The following CPVL variants were observed in gnomAD, a reference collection of about 807,000 sequenced individuals.
The protein encoded by CPVL is carboxypeptidase vitellogenic like.
In CPVL, 51 loss-of-function variants were observed where a neutral mutation model predicts 63.7. The observed-to-expected ratio is 0.80, with a 90% CI of 0.64 to 1.01. The LOEUF is 1.01. CPVL is among the 50% of genes least tolerant of loss of function. The probability of loss-of-function intolerance (pLI) is 0.00; values close to 1 mark genes in which losing one functional copy is unlikely to be tolerated. For missense variants in CPVL, 530 were observed against 573.1 expected (o/e 0.92, Z 0.77); for synonymous variants, 195 against 206.0 (o/e 0.95, Z 0.46).
At chr7:29,187,517 A>C (rs941833333) in intron 1 of CPVL, among the ~76,000 whole-genome samples, 3 of 152,106 alleles carry the variant, frequency 2.0e-5, no homozygotes, top group African/African-American at 7.2e-5. Flanking sequence ...TGAGGTCAGG[A>C]GTTTGAGACC....
intron 6 of CPVL, 98 bp from the exon 7 acceptor site, chr7:29,086,648 T>A: frequency 1.1e-6 from 1 of 881,300 alleles, no homozygotes; most frequent in South Asian, 1.4e-5. Context: ...GGCAATAGGT[T>A]TCACACTTGA....
At chr7:29,171,506 C>A (rs753979179) in intron 5 of CPVL, among the ~76,000 whole-genome samples, 15 of 152,140 alleles carry the variant, frequency 9.9e-5, no homozygotes, top group Non-Finnish European at 2.2e-4. Context: ...ACCCAGAATC[C>A]TCCTCAATTC....
intron 11 of CPVL, among the ~76,000 whole-genome samples, chr7:29,063,747 T>A (rs1482528991): frequency 6.6e-6 from 1 of 151,934 alleles, no homozygotes; most frequent in Admixed American, 6.6e-5. Context: ...GTTTTTGTAT[T>A]TTTTAGTAGA....
chr7:28,995,987 A>G, intron 12 of CPVL, 105 bp from the exon 13 acceptor site: 2 of 665,190 alleles, frequency 3.0e-6, no homozygotes, highest in East Asian at 3.0e-5. Flanking sequence ...CACATGAAAT[A>G]CAGAACATAT....
At chr7:29,052,716 T>C (rs1468664531) in intron 11 of CPVL, among the ~76,000 whole-genome samples, 3 of 152,164 alleles carry the variant, frequency 2.0e-5, no homozygotes, top group African/African-American at 7.2e-5. Context: ...CAGACCATCC[T>C]GGCTCACACG....
chr7:29,101,979 A>G (rs897972801), intron 3 of CPVL, among the ~76,000 whole-genome samples: 1 of 152,244 alleles, frequency 6.6e-6, no homozygotes, highest in Non-Finnish European at 1.5e-5. Flanking sequence ...CTACGAATTT[A>G]CCACAATGTA....
At chr7:29,068,978 C>T (rs946818202) in intron 9 of CPVL, among the ~76,000 whole-genome samples, 1 of 151,534 alleles carries the variant, frequency 6.6e-6, no homozygotes, top group Non-Finnish European at 1.5e-5. Context: ...CCACTGCGCC[C>T]GGCCGAGGTG....
At chr7:29,071,024 A>T (rs1783678705) in intron 9 of CPVL, among the ~76,000 whole-genome samples, 1 of 152,236 alleles carries the variant, frequency 6.6e-6, no homozygotes, top group South Asian at 2.1e-4. Context: ...TACCATGTCA[A>T]ACATGATGGC....
chr7:29,159,853 T>C (rs1031491757), intron 5 of CPVL, among the ~76,000 whole-genome samples: 1 of 152,174 alleles, frequency 6.6e-6, no homozygotes, highest in Non-Finnish European at 1.5e-5. Context: ...TCTCAACTAG[T>C]GTAATGCAAG....
rs551719021 is a variant in CPVL, at chr7:29,134,330, A to C, written c.-11+12099T>G. On this transcript the variant is annotated intron_variant, in intron 1 of 12. Coordinates refer to ENST00000265394, the MANE Select transcript of CPVL (RefSeq NM_031311.5). The stretch of plus-strand genomic sequence containing the variant: ...TTGAATCCACCAATCAACTGCAGGG[A>C]GCCAGTGAACTGCTGACAAATCCCT... Among the ~76,000 whole-genome samples the C allele has an allele frequency of 4.6e-5, 7 of 152,362 alleles. No homozygotes were observed. In the East Asian group the frequency reaches 1.3e-3, roughly 29 times the overall value.
At chr7:29,188,818 T>A (rs1799032019) in intron 1 of CPVL, among the ~76,000 whole-genome samples, 1 of 152,208 alleles carries the variant, frequency 6.6e-6, no homozygotes, top group Non-Finnish European at 1.5e-5. Flanking sequence ...ATAATAGCTA[T>A]AATTCCCAAA....
chr7:29,078,981 G>C (rs1179427614), intron 7 of CPVL, among the ~76,000 whole-genome samples: 1 of 152,184 alleles, frequency 6.6e-6, no homozygotes, highest in East Asian at 1.9e-4. Flanking sequence ...CAGCTTGAAT[G>C]CTATCTAATA....
chr7:29,053,539 TAC>T (rs1790410674), intron 11 of CPVL, among the ~76,000 whole-genome samples: 1 of 152,144 alleles, frequency 6.6e-6, no homozygotes, highest in Non-Finnish European at 1.5e-5. Context: ...GGCAAATCCA[TAC>T]AGACAGAAAG....
chr7:29,146,346 C>T (rs544078140), intron 1 of CPVL, 83 bp downstream of exon 1: 3 of 525,170 alleles, frequency 5.7e-6, no homozygotes, highest in Non-Finnish European at 9.8e-6. Flanking sequence ...ACTACCTGCC[C>T]CGCGCTCCCT....
intron 11 of CPVL, among the ~76,000 whole-genome samples, chr7:29,063,712 A>G (rs1782853241): frequency 6.6e-6 from 1 of 152,072 alleles, no homozygotes; most frequent in African/African-American, 2.4e-5. Flanking sequence ...CTGGGATTAC[A>G]GGCACCCGCC....
rs191910780 is a variant in CPVL at position 29,021,158 on chromosome 7, T to C, written c.1320+9419A>G. ...CTGGCAGACAGAGTGGGATTCTGTCTCAAGAAAAAAAAAAAGATGATGTTA... is the reference window on the plus strand; with the variant it reads ...CTGGCAGACAGAGTGGGATTCTGTCCCAAGAAAAAAAAAAAGATGATGTTA... On this transcript the variant is annotated intron_variant, in intron 12 of 12. Transcript: ENST00000265394. Among the ~76,000 whole-genome samples the C allele has an allele frequency of 1.6e-3, 238 of 150,340 alleles. 1 individual carries two copies. The highest frequency in any genetic ancestry group is 5.4e-3 in the African/African-American group (220 of 40,956).
chr7:29,065,523 T>A (rs1347495639), intron 10 of CPVL, among the ~76,000 whole-genome samples: 1 of 152,242 alleles, frequency 6.6e-6, no homozygotes, highest in Non-Finnish European at 1.5e-5. Flanking sequence ...TTGAATACTT[T>A]GAGAAATATT....
intron 11 of CPVL, among the ~76,000 whole-genome samples, chr7:29,059,902 A>T (rs1791106299): frequency 1.3e-5 from 2 of 152,108 alleles, no homozygotes; most frequent in South Asian, 4.1e-4. Flanking sequence ...TCTCTCTCTA[A>T]TTTTGGAGGG....
At chr7:29,095,960 A>G in intron 4 of CPVL, 143 bp downstream of exon 4, 1 of 727,390 alleles carries the variant, frequency 1.4e-6, no homozygotes, top group Admixed American at 2.1e-5. Flanking sequence ...TCTCGGATGG[A>G]TATTGCCAGA....
Sources: allele counts gnomAD v4.1 joint callset (sites outside exome capture counted in the v4.1 genomes callset), GRCh38; gene constraint gnomAD v4.1.1; transcripts MANE v1.5; gene names NCBI Gene and HGNC (gene_info 2026-07-23, HGNC 2026-07-21).